Variants in EIF3F observed in about 807,000 individuals in gnomAD.
EIF3F encodes eukaryotic translation initiation factor 3 subunit F.
EIF3F carries 8 observed loss-of-function variants against 36.0 expected under a neutral mutation model. The observed-to-expected ratio is 0.22, with a 90% confidence interval of 0.13 to 0.40. The LOEUF (loss-of-function observed/expected upper bound fraction) is 0.40. EIF3F is among the 10% of genes least tolerant of loss of function. The pLI, the probability that EIF3F is intolerant of heterozygous loss-of-function variation, is 1.00. For missense variants in EIF3F, 430 were observed against 467.6 expected, an observed-to-expected ratio of 0.92 and a Z score of 0.74; for synonymous variants, 184 against 188.5, an observed-to-expected ratio of 0.98 and a Z score of 0.19.
intron 1 of EIF3F, among the ~76,000 whole-genome samples, chr11:7,990,565 T>C (rs1375583137): frequency 3.9e-5 from 6 of 151,922 alleles, no homozygotes; most frequent in Non-Finnish European, 1.5e-5. Context: ...ATTAGAAAGG[T>C]AGGAAGAAAA....
rs764971812 is a variant in EIF3F, at chr11:7,987,526, T to A, written c.174T>A (p.Ala58=). 1.9e-5 allele frequency: 30 copies of A among 1,605,580 alleles called. No individual in the cohort carries two copies. The stretch of plus-strand genomic sequence containing the variant: ...CGGCAGCAGCGGCTGCAACTGCGGC[T>A]CCTGGCCAGACCCCGGCCTCAGCGC... ...DPAAAAAATA[A]PGQTPASAQA... Residue 58 remains alanine (A), a synonymous_variant, in exon 1 of 8, where the codon GCT becomes GCA. Transcript: ENST00000651655.
chr11:7,995,068 C>G lies in EIF3F; in HGVS notation c.832C>G (p.Arg278Gly), dbSNP rs756745169. Residue 278 changes from arginine to glycine, a missense_variant, in exon 6 of 8, where the codon CGC becomes GGC. Physicochemically the swap from Arg to Gly is moderately radical, Grantham distance 125. Around this residue, in one of 2 missense-constraint regions of EIF3F, gnomAD observed 262 missense variants for 347.4 expected, o/e 0.75. Coordinates refer to ENST00000651655, the MANE Select transcript of EIF3F (RefSeq NM_003754.3). ...DLQQVGGASA[R>G]IQDALSTVLQ... Reference sequence around the variant, plus strand: ...GCAGCAAGTAGGAGGGGCATCAGCTCGCATCCAGGATGCCCTGAGTACAGT... The same window carrying G: ...GCAGCAAGTAGGAGGGGCATCAGCTGGCATCCAGGATGCCCTGAGTACAGT... 6 of 1,613,988 alleles carry G rather than the reference C, an allele frequency of 3.7e-6. No homozygotes were observed. Among genetic ancestry groups the G allele is most frequent in the Non-Finnish European group, 5.1e-6 (6 of 1,179,918 alleles).
chr11:7,992,329 G>T, intron 3 of EIF3F, 166 bp downstream of exon 3: 1 of 651,530 alleles, frequency 1.5e-6, no homozygotes, highest in South Asian at 2.0e-5. Context: ...CCAGCTGGGA[G>T]GCTGAGGCAG....
In EIF3F at chr11:7,999,053, G is replaced by T. The variant is rs7947944; in HGVS notation, c.*3031G>T. 6.6e-6 allele frequency: 1 copy of T among 152,072 alleles called. No individual in the cohort carries two copies. Among genetic ancestry groups the T allele is most frequent in the African/African-American group, 2.4e-5 (1 of 41,378 alleles). 9.4% of individuals were successfully genotyped at this position (152,072 alleles called of 1,614,324 possible). ...TGAGATGGGTTAATCAAGACCAGAA[G>T]TTCAAGACCAGCGTGGCCAACATGG... On this transcript the variant is annotated 3_prime_UTR_variant, in exon 8 of 8. Coordinates refer to ENST00000651655, the MANE Select transcript of EIF3F (RefSeq NM_003754.3).
Position 7,991,245 on chromosome 11 carries a change from A to G in EIF3F, c.365-536A>G, listed in dbSNP as rs1448713906. 2.6e-5 allele frequency among the ~76,000 whole-genome samples: 4 copies of G among 152,122 alleles called. No homozygotes were observed. In the South Asian group the frequency reaches 6.2e-4, roughly 24 times the overall value. ...ATGGAAGTAAAGGTATCAGAACTAG[A>G]ACAAAAGTTTGTGGTAAAAGACTGA... On this transcript the variant is annotated intron_variant, in intron 1 of 7. Transcript: ENST00000651655.
At chr11:7,994,357 C>A in intron 4 of EIF3F, 69 bp from the exon 5 acceptor site, 1 of 1,385,584 alleles carries the variant, frequency 7.2e-7, no homozygotes, top group Non-Finnish European at 1.0e-6. Context: ...TATCTGCTTT[C>A]TCAGCCCAGA....
chr11:7,992,741 C>T (rs1451670849), intron 3 of EIF3F, 146 bp from the exon 4 acceptor site: 10 of 932,654 alleles, frequency 1.1e-5, no homozygotes, highest in South Asian at 7.9e-5. Context: ...ACATAGTTTT[C>T]GGTGTGTGTA....
chr11:7,994,571 G>T, intron 5 of EIF3F, 54 bp downstream of exon 5: 1 of 1,539,892 alleles, frequency 6.5e-7, no homozygotes, highest in East Asian at 2.4e-5. Context: ...TCAGGGAAGG[G>T]GGCTGCTAGT....
chr11:7,989,685 G>A (rs1331111001), intron 1 of EIF3F, among the ~76,000 whole-genome samples: 1 of 152,218 alleles, frequency 6.6e-6, no homozygotes, highest in Non-Finnish European at 1.5e-5. Context: ...TCCAATAGAA[G>A]GGTGTCATGG....
intron 1 of EIF3F, among the ~76,000 whole-genome samples, chr11:7,990,483 T>C (rs775527105): frequency 2.0e-5 from 3 of 151,898 alleles, no homozygotes; most frequent in Non-Finnish European, 4.4e-5. Context: ...AAAAGGAACA[T>C]TGAATAAAAA....
chr11:7,991,891 T>C, intron 2 of EIF3F, 40 bp downstream of exon 2: 1 of 1,611,208 alleles, frequency 6.2e-7, no homozygotes, highest in Non-Finnish European at 8.5e-7. Flanking sequence ...AGTTTTTAGC[T>C]GTTCATTTGC....
At chr11:7,995,714 G>C (rs988468896) in intron 7 of EIF3F, 6 of 600,796 alleles carry the variant, frequency 1.0e-5, no homozygotes, top group African/African-American at 1.9e-5. Flanking sequence ...TCCATCCATG[G>C]GTTTCAGCTA....
At chr11:7,995,924 T>G (rs1942155222) in intron 7 of EIF3F, 21 bp from the exon 8 acceptor site, 3 of 1,611,736 alleles carry the variant, frequency 1.9e-6, no homozygotes, top group Middle Eastern at 3.3e-4. Context: ...CCCCACTCAT[T>G]GTGTATTCTT....
Position 7,992,079 on chromosome 11 carries a change from C to A in EIF3F, c.436-5C>A. 1 of 1,613,220 alleles carries A rather than the reference C, an allele frequency of 6.2e-7. No individual in the cohort carries two copies. Among genetic ancestry groups the A allele is most frequent in the Non-Finnish European group, 8.5e-7 (1 of 1,179,982 alleles). ...CTTAGCTTGCTTTCCTGCCTTCCCT[C>A]TTAGGTGGCTGTTGACATGGAATTT... On this transcript the variant is annotated splice_region_variant and splice_polypyrimidine_tract_variant and intron_variant, in intron 2 of 7. Transcript: ENST00000651655.
At chr11:7,990,707 A>G (rs1327674849) in intron 1 of EIF3F, among the ~76,000 whole-genome samples, 3 of 152,118 alleles carry the variant, frequency 2.0e-5, no homozygotes, top group African/African-American at 7.2e-5. Flanking sequence ...CAGAAACCAT[A>G]GTGAGTTGGA....
At position 7,996,272 on chromosome 11, in the gene EIF3F, G is replaced by A. The variant is rs1427307046; in HGVS notation, c.*250G>A. ...TATTGTAGGTAGAGAAGTTGGTTAT[G>A]TGTTTGGCATGTTACTGTTTTACCA... On this transcript the variant is annotated 3_prime_UTR_variant, in exon 8 of 8. Transcript: ENST00000651655. 4 of 392,978 alleles carry A rather than the reference G, an allele frequency of 1.0e-5. No homozygotes were observed. Among genetic ancestry groups the A allele is most frequent in the African/African-American group, 2.0e-5 (1 of 49,116 alleles). The allele number at this position is 392,978 out of a possible 1,614,324, so 24.3% of individuals were successfully genotyped here. A position where few individuals can be genotyped will look rare whatever the true frequency, so the allele number is the denominator to read the frequency against.
At chr11:7,992,333 G>A (rs1262311535) in intron 3 of EIF3F, 170 bp downstream of exon 3, 5 of 638,204 alleles carry the variant, frequency 7.8e-6, no homozygotes, top group Non-Finnish European at 1.3e-5. Context: ...CTGGGAGGCT[G>A]AGGCAGGAGG....
intron 4 of EIF3F, 53 bp downstream of exon 4, chr11:7,993,077 C>T: frequency 2.0e-6 from 3 of 1,507,056 alleles, no homozygotes; most frequent in East Asian, 2.4e-5. Context: ...GATGCCATCC[C>T]TCCCCCACCC....
At chr11:7,990,880 TAAATAAA>T (rs1942083851) in intron 1 of EIF3F, among the ~76,000 whole-genome samples, 1 of 140,378 alleles carries the variant, frequency 7.1e-6, no homozygotes, top group African/African-American at 2.5e-5. Context: ...AATAAATAAA[TAAATAAA>T]TAAATAAATA....
Sources: gnomAD v4.1 joint callset for allele counts (sites outside exome capture counted in the v4.1 genomes callset) on GRCh38, gnomAD v4.1.1 for gene constraint, gnomAD v4.1.1 regional missense constraint, MANE v1.5 for transcripts, NCBI Gene and HGNC (gene_info 2026-07-23, HGNC 2026-07-21) for gene names.